The following XYLT1 variants were observed in gnomAD, a reference collection of about 807,000 sequenced individuals.
The protein encoded by XYLT1 is beta-D-xylosyltransferase 1.
XYLT1 carries 36 observed loss-of-function variants against 91.3 expected under a neutral mutation model. That is an observed-to-expected ratio of 0.39 (90% CI 0.30 to 0.52). XYLT1 has a LOEUF of 0.52. Among genes scored for constraint, XYLT1 ranks in the 20% least tolerant of loss-of-function variants. The probability of loss-of-function intolerance (pLI) is 0.68; values close to 1 mark genes in which losing one functional copy is unlikely to be tolerated. For synonymous variants in XYLT1, 588 were observed against 532.0 expected, an observed-to-expected ratio of 1.11 and a Z score of -1.45; for missense variants, 1,242 against 1,284.5, an observed-to-expected ratio of 0.97 and a Z score of 0.51.
chr16:17,405,023 TAG>T (rs1229008462), intron 1 of XYLT1, among the ~76,000 whole-genome samples: 1 of 152,128 alleles, frequency 6.6e-6, no homozygotes, highest in Non-Finnish European at 1.5e-5. Flanking sequence ...TGACTCAGAT[TAG>T]AAAAACAGCA....
intron 2 of XYLT1, chr16:17,355,508 G>A (rs574088412): frequency 2.6e-5 from 4 of 152,284 alleles, no homozygotes; most frequent in African/African-American, 4.8e-5. Flanking sequence ...GTAGAGACAC[G>A]TTTCCCAAAG....
rs138140125 is a variant in XYLT1, at chr16:17,151,404, C to G, written c.1370+7425G>C. Among the ~76,000 whole-genome samples the G allele has an allele frequency of 5.1e-3, 779 of 152,140 alleles. 23 individuals are homozygous for G. In the East Asian group the frequency reaches 0.071, roughly 14 times the overall value. Reference sequence around the variant, plus strand: ...TTGCACTCCAGCCTGGGTGATGGAGCGAGACTCTGTCTCAAAAAGAAAAAT... The same window carrying G: ...TTGCACTCCAGCCTGGGTGATGGAGGGAGACTCTGTCTCAAAAAGAAAAAT... On this transcript the variant is annotated intron_variant, in intron 6 of 11. Transcript: ENST00000261381.
intron 9 of XYLT1, among the ~76,000 whole-genome samples, 192 bp downstream of exon 9, chr16:17,134,281 G>T (rs1324714976): frequency 6.6e-6 from 1 of 152,144 alleles, no homozygotes; most frequent in East Asian, 1.9e-4. Flanking sequence ...AGAAAGTAAA[G>T]CACAGCTTGG....
chr16:17,452,622 T>G (rs1416426924), intron 1 of XYLT1, among the ~76,000 whole-genome samples: 1 of 152,240 alleles, frequency 6.6e-6, no homozygotes, highest in Non-Finnish European at 1.5e-5. Flanking sequence ...ATGTCAAATT[T>G]AATCTATTCA....
chr16:17,129,509 G>T (rs572756680), intron 9 of XYLT1, among the ~76,000 whole-genome samples: 1 of 152,034 alleles, frequency 6.6e-6, no homozygotes, highest in Non-Finnish European at 1.5e-5. Flanking sequence ...CAAGTGATCC[G>T]CCCGCCTCGG....
chr16:17,112,606 A>G (rs1966844323), intron 11 of XYLT1, among the ~76,000 whole-genome samples: 1 of 152,186 alleles, frequency 6.6e-6, no homozygotes, highest in Non-Finnish European at 1.5e-5. Flanking sequence ...CATGTCTGGC[A>G]TTAGACATCG....
chr16:17,337,787 T>C (rs1007711705), intron 2 of XYLT1, among the ~76,000 whole-genome samples: 1 of 147,090 alleles, frequency 6.8e-6, no homozygotes, highest in African/African-American at 2.5e-5. Context: ...TTTTCTTTTT[T>C]TTTTTTTTTG....
intron 6 of XYLT1, 84 bp from the exon 7 acceptor site, chr16:17,141,453 A>G (rs1255900485): frequency 3.8e-6 from 5 of 1,326,662 alleles, no homozygotes; most frequent in Admixed American, 2.1e-5. Context: ...CAACACAATC[A>G]TAGCGATGAT....
At chr16:17,330,657 G>A (rs2034882212) in intron 2 of XYLT1, among the ~76,000 whole-genome samples, 1 of 151,992 alleles carries the variant, frequency 6.6e-6, no homozygotes, top group South Asian at 2.1e-4. Context: ...AGCTGGATAT[G>A]GTGATACATG....
intron 11 of XYLT1, among the ~76,000 whole-genome samples, chr16:17,111,910 G>A (rs776239822): frequency 3.9e-5 from 6 of 152,180 alleles, no homozygotes; most frequent in Admixed American, 6.5e-5. Context: ...AGGGTAGGGT[G>A]GGCAGCTTCA....
Position 17,323,492 on chromosome 16 carries a change from CT to C in XYLT1, c.402+34519del, listed in dbSNP as rs564838979. Among the ~76,000 whole-genome samples, 251 of 152,336 alleles carry C rather than the reference CT, an allele frequency of 1.6e-3. 1 individual carries two copies. Among genetic ancestry groups the C allele is most frequent in the Non-Finnish European group, 3.1e-3 (210 of 68,020 alleles). The stretch of plus-strand genomic sequence containing the variant: ...GCAAATAAAACACATGAAACCAACA[CT>C]TTGTAGTCTATCCAATTTCACTTAA... On this transcript the variant is annotated intron_variant, in intron 2 of 11. Coordinates refer to ENST00000261381, the MANE Select transcript of XYLT1 (RefSeq NM_022166.4).
intron 3 of XYLT1, among the ~76,000 whole-genome samples, chr16:17,242,554 C>T (rs1312037579): frequency 6.6e-6 from 1 of 152,166 alleles, no homozygotes; most frequent in Admixed American, 6.5e-5. Context: ...AAGAAGCCTA[C>T]TTCACCAATT....
intron 5 of XYLT1, among the ~76,000 whole-genome samples, chr16:17,166,121 C>A (rs901791595): frequency 6.6e-6 from 1 of 152,212 alleles, no homozygotes; most frequent in African/African-American, 2.4e-5. Context: ...AAGGACCAAC[C>A]ACCAGCGGAC....
At chr16:17,290,413 C>A (rs1365885349) in intron 2 of XYLT1, among the ~76,000 whole-genome samples, 1 of 152,224 alleles carries the variant, frequency 6.6e-6, no homozygotes, top group Non-Finnish European at 1.5e-5. Flanking sequence ...CGGGACCTGG[C>A]ATGGATGAAG....
At chr16:17,178,791 T>C (rs1294450568) in intron 5 of XYLT1, among the ~76,000 whole-genome samples, 3 of 152,300 alleles carry the variant, frequency 2.0e-5, no homozygotes, top group African/African-American at 4.8e-5. Flanking sequence ...CTTTTGAGGC[T>C]GGGCGTGGTG....
chr16:17,121,518 G>C (rs1347182641), intron 10 of XYLT1, among the ~76,000 whole-genome samples: 2 of 152,102 alleles, frequency 1.3e-5, no homozygotes, highest in Admixed American at 6.5e-5. Flanking sequence ...CTGCTCCCTG[G>C]CTTCCAACCA....
At position 17,367,663 on chromosome 16, in the gene XYLT1, A is replaced by C. The variant is rs143533956; in HGVS notation, c.364-9613T>G. Among the ~76,000 whole-genome samples the C allele has an allele frequency of 2.6e-5, 4 of 152,358 alleles. No individual in the cohort carries two copies. In the East Asian group the frequency reaches 7.7e-4, roughly 29 times the overall value. ...AATCGTGAGTTCAAGAAAAGCACTT[A>C]GAGGTGCAGACCAGTTATGCAGCGA... On this transcript the variant is annotated intron_variant, in intron 1 of 11. Coordinates refer to ENST00000261381, the MANE Select transcript of XYLT1 (RefSeq NM_022166.4).
chr16:17,271,993 G>A (rs1406909770), intron 2 of XYLT1, among the ~76,000 whole-genome samples: 1 of 152,152 alleles, frequency 6.6e-6, no homozygotes, highest in East Asian at 1.9e-4. Flanking sequence ...GAGGAGGCTG[G>A]CTGGGGTGAC....
intron 2 of XYLT1, among the ~76,000 whole-genome samples, chr16:17,320,793 T>C (rs2034707085): frequency 8.2e-6 from 1 of 121,778 alleles, no homozygotes; most frequent in African/African-American, 3.6e-5. Flanking sequence ...CTTGGAAAAG[T>C]TTCTTAACCA....
Sources: gnomAD v4.1 joint callset for allele counts (sites outside exome capture counted in the v4.1 genomes callset) on GRCh38, gnomAD v4.1.1 for gene constraint, MANE v1.5 for transcripts, NCBI Gene and HGNC (gene_info 2026-07-23, HGNC 2026-07-21) for gene names.